KPNA6: variants seen among roughly 807,000 people sequenced by gnomAD.
The protein encoded by KPNA6 is karyopherin subunit alpha 6.
KPNA6 carries 9 observed loss-of-function variants against 72.0 expected under a neutral mutation model. The observed-to-expected ratio is 0.13, with a 90% CI of 0.08 to 0.22. The LOEUF (loss-of-function observed/expected upper bound fraction) is 0.22. Among genes scored for constraint, KPNA6 ranks in the 10% least tolerant of loss-of-function variants. The probability of loss-of-function intolerance (pLI) is 1.00; values close to 1 mark genes in which losing one functional copy is unlikely to be tolerated. For missense variants in KPNA6, 374 were observed against 655.7 expected, an observed-to-expected ratio of 0.57 and a Z score of 4.69; for synonymous variants, 219 against 242.1, an observed-to-expected ratio of 0.90 and a Z score of 0.89.
intron 1 of KPNA6, among the ~76,000 whole-genome samples, chr1:32,114,457 T>A (rs201237434): frequency 0.023 from 3,328 of 144,158 alleles, 146 homozygotes; most frequent in East Asian, 0.11. Context: ...AAAAAATATA[T>A]ATATATATAT....
Position 32,162,043 on chromosome 1 carries a change from A to G in KPNA6, c.744A>G (p.Ala248=). The G allele has an allele frequency of 6.2e-7, 1 of 1,613,194 alleles. No individual in the cohort carries two copies. The highest frequency in any genetic ancestry group is 8.5e-7 in the Non-Finnish European group (1 of 1,179,280). The change falls in exon 8 of 14, where the codon GCA becomes GCG. Residue 248 remains alanine, a synonymous_variant. Coordinates refer to ENST00000373625, the MANE Select transcript of KPNA6 (RefSeq NM_012316.5). ...GGAAAAACCCACCCCCAGAGTTTGCAAAGGTGAGAGAGCTACTTACTAGAC... is the reference window on the plus strand; with the variant it reads ...GGAAAAACCCACCCCCAGAGTTTGCGAAGGTGAGAGAGCTACTTACTAGAC... ...CRGKNPPPEF[A]KVSPCLPVLS...
chr1:32,129,192 C>G (rs1005107462), intron 1 of KPNA6, among the ~76,000 whole-genome samples: 1 of 147,938 alleles, frequency 6.8e-6, no homozygotes, highest in African/African-American at 2.5e-5. Context: ...GAGACAGGCT[C>G]TAGCTCTGTT....
intron 1 of KPNA6, among the ~76,000 whole-genome samples, chr1:32,125,577 C>T (rs1641517082): frequency 2.0e-5 from 3 of 152,184 alleles, no homozygotes; most frequent in Non-Finnish European, 4.4e-5. Flanking sequence ...ACTGTCAGTC[C>T]TGCTCATGTA....
intron 1 of KPNA6, among the ~76,000 whole-genome samples, chr1:32,113,263 C>T (rs1461067737): frequency 1.3e-5 from 2 of 151,788 alleles, no homozygotes; most frequent in East Asian, 1.9e-4. Context: ...TGTGGTGGCG[C>T]GTGACTGTAG....
intron 1 of KPNA6, among the ~76,000 whole-genome samples, chr1:32,125,992 A>C (rs957491366): frequency 5.9e-5 from 9 of 151,370 alleles, no homozygotes; most frequent in Non-Finnish European, 8.8e-5. Context: ...AAAAAAAAAA[A>C]AAAAAAAAAC....
chr1:32,163,210 C>G (rs1225694220), intron 9 of KPNA6, 25 bp from the exon 10 acceptor site: 1 of 1,552,048 alleles, frequency 6.4e-7, no homozygotes, highest in Non-Finnish European at 8.9e-7. Flanking sequence ...TGCTGGCCTT[C>G]TGATCAGATC....
In KPNA6 at chr1:32,170,800, ACGATGATAGCAGCCTGGCTCCCCAAGT is replaced by A. The variant is rs1642421763; in HGVS notation, c.1524_1550del (p.Asp508_Asp516del). ...ATTGAGCACTACTTTGGTGTAGAAG[ACGATGATAGCAGCCTGGCTCCCCAAGT>A]CGATGAAACGCAACAGCAGTTCATC... On this transcript the variant is annotated inframe_deletion, in exon 14 of 14. Coordinates refer to ENST00000373625, the MANE Select transcript of KPNA6 (RefSeq NM_012316.5). 6.2e-7 allele frequency: 1 copy of A among 1,614,074 alleles called. No homozygotes were observed.
At chr1:32,168,261 G>A (rs920894219) in intron 12 of KPNA6, among the ~76,000 whole-genome samples, 3 of 152,198 alleles carry the variant, frequency 2.0e-5, no homozygotes, top group African/African-American at 7.2e-5. Flanking sequence ...TGCTCTTTTT[G>A]AGACCGCAAC....
intron 1 of KPNA6, among the ~76,000 whole-genome samples, chr1:32,110,133 C>T (rs1304842901): frequency 2.0e-5 from 3 of 146,518 alleles, no homozygotes; most frequent in Admixed American, 7.0e-5. Context: ...GGCCAGATCT[C>T]GGCTCACTGC....
chr1:32,173,666 A>T lies in KPNA6; in HGVS notation c.*2772A>T, dbSNP rs1642477818. The T allele has an allele frequency of 6.6e-6, 1 of 152,152 alleles. No homozygotes were observed. 9.4% of individuals were successfully genotyped at this position (152,152 alleles called of 1,614,324 possible). ...CTTTGGCCATGTAATGAAGCAAAAT[A>T]TTATTTATTTAGCCCAGGCTTGAGA... On this transcript the variant is annotated 3_prime_UTR_variant, in exon 14 of 14. Transcript: ENST00000373625.
intron 3 of KPNA6, 132 bp from the exon 4 acceptor site, chr1:32,157,214 C>T: frequency 1.5e-6 from 1 of 661,972 alleles, no homozygotes; most frequent in Non-Finnish European, 2.6e-6. Context: ...TTAAACAGAC[C>T]CCTTCTCCTG....
chr1:32,119,283 G>A (rs189627960), intron 1 of KPNA6, among the ~76,000 whole-genome samples: 9 of 151,426 alleles, frequency 5.9e-5, no homozygotes, highest in Admixed American at 2.6e-4. Flanking sequence ...CGCCTGCCTC[G>A]GCCTCCCAAA....
chr1:32,116,189 C>CTT (rs370003341), intron 1 of KPNA6, among the ~76,000 whole-genome samples: 8 of 141,364 alleles, frequency 5.7e-5, no homozygotes, highest in East Asian at 2.1e-4. Context: ...CTTTTCTTTT[C>CTT]TTTTTTTTTT....
Position 32,141,375 on chromosome 1 carries a change from C to CTTTTTTTTTTTTTTTT in KPNA6, c.5-13188_5-13173dup, listed in dbSNP as rs71006334. ...AGGGCTTTTTTTTTTTAAGTTAATC[C>CTTTTTTTTTTTTTTTT]TTTTTTTTTTTTTTTTTTTTTTTTT... is the stretch of plus-strand genomic sequence containing the variant. On this transcript the variant is annotated intron_variant, in intron 1 of 13. Coordinates refer to ENST00000373625, the MANE Select transcript of KPNA6 (RefSeq NM_012316.5). Among the ~76,000 whole-genome samples, 12 of 54,476 alleles carry CTTTTTTTTTTTTTTTT rather than the reference C, an allele frequency of 2.2e-4. 2 individuals carry two copies. The highest frequency in any genetic ancestry group is 3.6e-4 in the East Asian group (1 of 2,750). The allele number at this position is 54,476 out of a possible 152,430, so 35.7% of individuals were successfully genotyped here. A position where few individuals can be genotyped will look rare whatever the true frequency, so the allele number is the denominator to read the frequency against.
At chr1:32,112,272 A>T (rs777260457) in intron 1 of KPNA6, among the ~76,000 whole-genome samples, 4 of 152,208 alleles carry the variant, frequency 2.6e-5, no homozygotes, top group Non-Finnish European at 5.9e-5. Context: ...ATAATACCCA[A>T]CACTTGTATA....
rs570276742 is a variant in KPNA6, at chr1:32,148,942, C to T, written c.5-5646C>T. ...CTGTGGGCTCAAGCTGTCCTCCTGCCTCAGCCTCCAAAATTGCTGGGATTA... is the reference window on the plus strand; with the variant it reads ...CTGTGGGCTCAAGCTGTCCTCCTGCTTCAGCCTCCAAAATTGCTGGGATTA... On this transcript the variant is annotated intron_variant, in intron 1 of 13. Coordinates refer to ENST00000373625, the MANE Select transcript of KPNA6 (RefSeq NM_012316.5). Among the ~76,000 whole-genome samples, 32 of 152,228 alleles carry T rather than the reference C, an allele frequency of 2.1e-4. No homozygotes were observed. The South Asian group carries it at 6.4e-3, about 31-fold the overall frequency.
intron 4 of KPNA6, among the ~76,000 whole-genome samples, chr1:32,158,045 A>G (rs978057317): frequency 6.6e-6 from 1 of 152,208 alleles, no homozygotes; most frequent in Admixed American, 6.5e-5. Context: ...TAAGCCAAAG[A>G]TGAACATTCT....
intron 1 of KPNA6, among the ~76,000 whole-genome samples, chr1:32,109,190 A>G (rs1355443038): frequency 6.6e-6 from 1 of 152,182 alleles, no homozygotes; most frequent in African/African-American, 2.4e-5. Context: ...GTTGTTGTTG[A>G]TAGAGTCTTG....
chr1:32,158,407 G>A (rs1433553437), intron 5 of KPNA6, 46 bp downstream of exon 5: 1 of 1,166,274 alleles, frequency 8.6e-7, no homozygotes, highest in Non-Finnish European at 1.3e-6. Flanking sequence ...TAATTTTTGG[G>A]GGATACATAG....
Sources: allele counts gnomAD v4.1 joint callset (sites outside exome capture counted in the v4.1 genomes callset), GRCh38; gene constraint gnomAD v4.1.1; transcripts MANE v1.5; gene names NCBI Gene and HGNC (gene_info 2026-07-23, HGNC 2026-07-21).